KLK12: variants seen among roughly 807,000 people sequenced by gnomAD.
The protein encoded by KLK12 is kallikrein-12.
Under a neutral mutation model 20.0 loss-of-function variants are expected in KLK12, and 23 were observed. The observed-to-expected ratio is 1.15, with a 90% CI of 0.83 to 1.63. The LOEUF (loss-of-function observed/expected upper bound fraction) is 1.63. Ranked by LOEUF, KLK12 falls within the 40% of genes most tolerant of loss-of-function variation. KLK12 has a pLI of 0.00. For synonymous variants in KLK12, 147 were observed against 141.9 expected, an observed-to-expected ratio of 1.04 and a Z score of -0.25; for missense variants, 351 against 338.6, an observed-to-expected ratio of 1.04 and a Z score of -0.29.
intron 3 of KLK12, 82 bp downstream of exon 3, chr19:51,033,898 G>T: frequency 7.4e-7 from 1 of 1,358,058 alleles, no homozygotes; most frequent in Non-Finnish European, 1.0e-6. Context: ...CTTCCCAGTG[G>T]GCACCACCCT....
Position 51,029,158 on chromosome 19 carries a change from G to A in KLK12, c.*144C>T. 5.6e-6 allele frequency: 9 copies of A among 1,614,086 alleles called. No individual in the cohort carries two copies. Among genetic ancestry groups the A allele is most frequent in the Non-Finnish European group, 6.8e-6 (8 of 1,180,006 alleles). On this transcript the variant is annotated 3_prime_UTR_variant, in exon 6 of 6. Coordinates refer to ENST00000684732, the MANE Select transcript of KLK12 (RefSeq NM_001370125.1). ...TCTCTCACCCCGCTCGTGGGTCTTAGAAGGGCTGGCAGGAGTTAAAGTTCC... is the reference window on the plus strand; with the variant it reads ...TCTCTCACCCCGCTCGTGGGTCTTAAAAGGGCTGGCAGGAGTTAAAGTTCC...
Position 51,032,149 on chromosome 19 carries a change from C to G in KLK12, c.198-14G>C. 1 of 1,589,556 alleles carries G rather than the reference C, an allele frequency of 6.3e-7. No individual in the cohort carries two copies. Among genetic ancestry groups the G allele is most frequent in the Middle Eastern group, 1.8e-4 (1 of 5,704 alleles). Reference sequence around the variant, plus strand: ...ACCCAGTACCTGCTGCCGGTGGCGACGGCTGAGCGGGTGGCAGGCACGCAG... The same window carrying G: ...ACCCAGTACCTGCTGCCGGTGGCGAGGGCTGAGCGGGTGGCAGGCACGCAG... On this transcript the variant is annotated splice_polypyrimidine_tract_variant and intron_variant, in intron 3 of 5. Transcript: ENST00000684732.
intron 3 of KLK12, among the ~76,000 whole-genome samples, chr19:51,032,381 CTTTTTTTTTTTTT>C (rs869282785): frequency 2.6e-5 from 3 of 115,286 alleles, no homozygotes; most frequent in African/African-American, 7.0e-5. Flanking sequence ...TCTCTCTCTC[CTTTTTTTTTTTTT>C]TTTTTTTTTC....
At chr19:51,031,072 T>C (rs2091552917) in intron 4 of KLK12, 151 bp from the exon 5 acceptor site, 2 of 847,918 alleles carry the variant, frequency 2.4e-6, no homozygotes, top group African/African-American at 1.7e-5. Context: ...TACATATTTA[T>C]GACTTAATTT....
chr19:51,032,963 C>T (rs1403795000), intron 3 of KLK12, among the ~76,000 whole-genome samples: 1 of 152,006 alleles, frequency 6.6e-6, no homozygotes, highest in Non-Finnish European at 1.5e-5. Flanking sequence ...CCTGTAATCC[C>T]AGCACTTTGG....
At position 51,034,579 on chromosome 19, in the gene KLK12, A is replaced by T. The variant is rs1385364438; in HGVS notation, c.37+6T>A. 2 of 1,610,546 alleles carry T rather than the reference A, an allele frequency of 1.2e-6. No individual in the cohort carries two copies. Among genetic ancestry groups the T allele is most frequent in the Non-Finnish European group, 1.7e-6 (2 of 1,178,510 alleles). ...CCTGCCCTCTCCCTGCTCCGGGAGAACTCACCAAGAACACACAGGAGCAAA... is the reference window on the plus strand; with the variant it reads ...CCTGCCCTCTCCCTGCTCCGGGAGATCTCACCAAGAACACACAGGAGCAAA... On this transcript the variant is annotated splice_donor_region_variant and intron_variant, in intron 2 of 5. Transcript: ENST00000684732.
chr19:51,033,413 C>T (rs975058934), intron 3 of KLK12, among the ~76,000 whole-genome samples: 4 of 151,322 alleles, frequency 2.6e-5, no homozygotes, highest in Admixed American at 6.6e-5. Context: ...GCCAGGAGTT[C>T]GAGACCAGCC....
Position 51,029,320 on chromosome 19 carries a change from C to CA in KLK12, c.728dup (p.Met243IlefsTer37). ...AAACAGGTCAGTTGTTCCTCATGAT[C>CA]ATCCGGATCCAGTCCACATACTTGC... On this transcript the variant is annotated frameshift_variant, in exon 6 of 6. Transcript: ENST00000684732. LOFTEE classifies it high-confidence loss of function. 1 of 1,614,072 alleles carries CA rather than the reference C, an allele frequency of 6.2e-7. No individual in the cohort carries two copies. The highest frequency in any genetic ancestry group is 8.5e-7 in the Non-Finnish European group (1 of 1,180,018).
chr19:51,030,994 A>G, intron 4 of KLK12, 73 bp from the exon 5 acceptor site: 1 of 1,589,340 alleles, frequency 6.3e-7, no homozygotes, highest in Non-Finnish European at 8.6e-7. Flanking sequence ...TCTTCCCTGG[A>G]TGTGGCCCAT....
Position 51,032,071 on chromosome 19 carries a change from GC to G in KLK12, c.261del (p.His88ThrfsTer6). Reference sequence around the variant, plus strand: ...GGATGGGTCACAGAGAAGCCGCTGTGCCGGATCTGCTCGGTCCAGTCGAGCT... The same window carrying G: ...GGATGGGTCACAGAGAAGCCGCTGTGCGGATCTGCTCGGTCCAGTCGAGCT... ...LSQLDWTEQI[R>X]HSGFSVTHPG... On this transcript the variant is annotated frameshift_variant, in exon 4 of 6. Transcript: ENST00000684732. LOFTEE classifies it high-confidence loss of function. 1 of 1,604,976 alleles carries G rather than the reference GC, an allele frequency of 6.2e-7. No homozygotes were observed. The highest frequency in any genetic ancestry group is 8.5e-7 in the Non-Finnish European group (1 of 1,177,626).
rs370196145 is a variant in KLK12, at chr19:51,034,051, G to A, written c.126C>T (p.Gly42=). The A allele has an allele frequency of 6.3e-7, 1 of 1,593,590 alleles. No homozygotes were observed. Among genetic ancestry groups the A allele is most frequent in the African/African-American group, 1.3e-5 (1 of 74,516 alleles). The change falls in exon 3 of 6, where the codon GGC becomes GGT. Residue 42 remains glycine, a synonymous_variant. Transcript: ENST00000684732. ...SQPWQVGLFE[G]TSLRCGGVLI... ...GGACACCCCCGCAGCGCAGGCTGGT[G>A]CCCTCAAACAGCCCCACCTGCCACG...
At chr19:51,032,157 C>A (rs374947716) in intron 3 of KLK12, 22 bp from the exon 4 acceptor site, 9 of 1,583,200 alleles carry the variant, frequency 5.7e-6, no homozygotes, top group South Asian at 1.1e-5. Flanking sequence ...GACGGCTGAG[C>A]GGGTGGCAGG....
chr19:51,031,248 T>C (rs916775189), intron 4 of KLK12, among the ~76,000 whole-genome samples: 10 of 152,084 alleles, frequency 6.6e-5, no homozygotes, highest in South Asian at 2.1e-4. Context: ...TTCTGTCTTA[T>C]TACCTTATGA....
intron 3 of KLK12, 74 bp from the exon 4 acceptor site, chr19:51,032,209 C>A: frequency 1.7e-6 from 2 of 1,172,796 alleles, no homozygotes; most frequent in South Asian, 1.4e-5. Context: ...GACACTCAGG[C>A]GCTCCTGCCG....
intron 5 of KLK12, 21 bp downstream of exon 5, chr19:51,030,767 A>G (rs779356823): frequency 6.2e-7 from 1 of 1,612,234 alleles, no homozygotes; most frequent in Admixed American, 1.7e-5. Flanking sequence ...GTGACCACGC[A>G]CGCTGCCTGC....
chr19:51,030,645 C>T, intron 5 of KLK12, 143 bp downstream of exon 5: 2 of 1,226,506 alleles, frequency 1.6e-6, no homozygotes, highest in Non-Finnish European at 2.4e-6. Flanking sequence ...CCTCCGTAAC[C>T]AGCCTCTCCC....
chr19:51,031,177 C>A, intron 4 of KLK12, among the ~76,000 whole-genome samples: 1 of 152,290 alleles, frequency 6.6e-6, no homozygotes, highest in Non-Finnish European at 1.5e-5. Context: ...GTCTCTCCAG[C>A]GTCAGAGACA....
intron 2 of KLK12, 71 bp downstream of exon 2, chr19:51,034,514 G>A (rs1428816577): frequency 1.3e-6 from 2 of 1,572,878 alleles, no homozygotes; most frequent in Non-Finnish European, 1.7e-6. Flanking sequence ...GGGGAGGGTG[G>A]TGGGGCCTCC....
chr19:51,033,599 G>C (rs918728893), intron 3 of KLK12, among the ~76,000 whole-genome samples: 1 of 152,174 alleles, frequency 6.6e-6, no homozygotes, highest in Non-Finnish European at 1.5e-5. Flanking sequence ...CTGGGCGACA[G>C]AGCGAGACCC....
Sources: gnomAD v4.1 joint callset for allele counts (sites outside exome capture counted in the v4.1 genomes callset) on GRCh38, gnomAD v4.1.1 for gene constraint, MANE v1.5 for transcripts, NCBI Gene and HGNC (gene_info 2026-07-23, HGNC 2026-07-21) for gene names.